The following VPS54 variants were observed in gnomAD, a reference collection of about 807,000 sequenced individuals.
The protein encoded by VPS54 is vacuolar protein sorting-associated protein 54.
VPS54 carries 45 observed loss-of-function variants against 121.5 expected under a neutral mutation model. The ratio of observed to expected loss-of-function variants is 0.37; its 90% CI spans 0.29 to 0.47. The LOEUF (loss-of-function observed/expected upper bound fraction) is 0.47, where lower values mean the gene tolerates loss of function less well. VPS54 is among the 20% of genes least tolerant of loss of function. The pLI, the probability that VPS54 is intolerant of heterozygous loss-of-function variation, is 0.99. For missense variants in VPS54, 1,090 were observed against 1,131.4 expected (o/e 0.96, Z 0.52); for synonymous variants, 371 against 385.8 (o/e 0.96, Z 0.45).
At chr2:63,963,186 A>G (rs1157745551) in intron 6 of VPS54, among the ~76,000 whole-genome samples, 1 of 152,092 alleles carries the variant, frequency 6.6e-6, no homozygotes, top group African/African-American at 2.4e-5. Context: ...TCTTTTATCA[A>G]TTTGTAAAAT....
At chr2:63,970,804 C>G (rs1676249795) in intron 4 of VPS54, among the ~76,000 whole-genome samples, 1 of 152,176 alleles carries the variant, frequency 6.6e-6, no homozygotes, top group South Asian at 2.1e-4. Context: ...TTAATTAGTG[C>G]TCCATCACCA....
intron 3 of VPS54, chr2:63,974,985 C>G: frequency 1.9e-6 from 3 of 1,549,700 alleles, no homozygotes; most frequent in Non-Finnish European, 2.6e-6. Flanking sequence ...GACATCCTTA[C>G]CTTGATCCTG....
chr2:63,998,841 G>A (rs1348784183), intron 1 of VPS54, among the ~76,000 whole-genome samples: 3 of 151,996 alleles, frequency 2.0e-5, no homozygotes, highest in Non-Finnish European at 4.4e-5. Context: ...CAGTTATCAT[G>A]TTATAATATT....
At position 63,892,464 on chromosome 2, in the gene VPS54, C is replaced by CTGTT. The variant is rs1672261297; in HGVS notation, c.*962_*965dup. On this transcript the variant is annotated 3_prime_UTR_variant, in exon 23 of 23. Transcript: ENST00000272322. Reference sequence around the variant, plus strand: ...ACAGCAGCCTATAGTTTTAAAAGTTCTGTTTCTCCCTGGTCTTTGTTCGTA... The same window carrying CTGTT: ...ACAGCAGCCTATAGTTTTAAAAGTTCTGTTTGTTTCTCCCTGGTCTTTGTTCGTA... 6.6e-6 allele frequency: 1 copy of CTGTT among 152,486 alleles called. No homozygotes were observed. The allele number at this position is 152,486 out of a possible 1,614,324, so 9.4% of individuals were successfully genotyped here. A position where few individuals can be genotyped will look rare whatever the true frequency, so the allele number is the denominator to read the frequency against.
At chr2:63,938,926 C>G (rs1674589368) in intron 11 of VPS54, among the ~76,000 whole-genome samples, 2 of 151,594 alleles carry the variant, frequency 1.3e-5, no homozygotes, top group South Asian at 4.2e-4. Flanking sequence ...TTACCATGAC[C>G]AAAAAGGAAG....
intron 11 of VPS54, among the ~76,000 whole-genome samples, chr2:63,940,890 T>C (rs947685595): frequency 6.6e-5 from 10 of 152,216 alleles, no homozygotes; most frequent in Admixed American, 6.5e-4. Flanking sequence ...TACAAGTTTG[T>C]GTCTGTCACT....
rs114016980 is a variant in VPS54 at position 63,974,783 on chromosome 2, T to C, written c.379-2539A>G. On this transcript the variant is annotated intron_variant, in intron 3 of 22. Transcript: ENST00000272322. ...AATTAACTTTTATATATTAACCTTG[T>C]ATCTTGCAAGCTTACTATAGTCACT... is the stretch of plus-strand genomic sequence containing the variant. Among the ~76,000 whole-genome samples, 884 of 152,328 alleles carry C rather than the reference T, an allele frequency of 5.8e-3. 9 individuals are homozygous for C. Among genetic ancestry groups the C allele is most frequent in the African/African-American group, 0.02 (824 of 41,586 alleles).
chr2:63,992,298 A>G (rs991158277), intron 1 of VPS54, among the ~76,000 whole-genome samples: 1 of 152,230 alleles, frequency 6.6e-6, no homozygotes, highest in African/African-American at 2.4e-5. Flanking sequence ...TCAAGGAAAA[A>G]AGTTTGAGGG....
intron 1 of VPS54, among the ~76,000 whole-genome samples, chr2:64,001,680 G>C (rs972034153): frequency 3.3e-5 from 5 of 152,042 alleles, no homozygotes; most frequent in African/African-American, 1.2e-4. Context: ...CTAGGGCTTA[G>C]AATGGGGGCC....
chr2:63,963,211 A>G (rs977230627), intron 6 of VPS54, among the ~76,000 whole-genome samples: 9 of 152,096 alleles, frequency 5.9e-5, no homozygotes, highest in Non-Finnish European at 7.4e-5. Context: ...TTTATTTCCA[A>G]TGAATTTTCC....
intron 1 of VPS54, among the ~76,000 whole-genome samples, chr2:64,014,397 G>A (rs1000052236): frequency 1.2e-4 from 19 of 152,036 alleles, no homozygotes; most frequent in Non-Finnish European, 2.6e-4. Context: ...TGAAAACAAG[G>A]TAATCTTTTC....
chr2:63,966,016 C>A (rs773331459), intron 5 of VPS54, 50 bp from the exon 6 acceptor site: 26 of 1,555,360 alleles, frequency 1.7e-5, no homozygotes, highest in African/African-American at 2.8e-5. Context: ...TTCTTTATAC[C>A]CATTATCTCT....
Position 63,966,323 on chromosome 2 carries a change from T to C in VPS54, c.493-357A>G, listed in dbSNP as rs547290900. ...ATTTCCCACTGATAGTTTTTTAAAA[T>C]GCCAAATATCAATTTCTCTAACCTA... is the stretch of plus-strand genomic sequence containing the variant. On this transcript the variant is annotated intron_variant, in intron 5 of 22. Transcript: ENST00000272322. Among the ~76,000 whole-genome samples the C allele has an allele frequency of 2.0e-5, 3 of 152,350 alleles. No homozygotes were observed. The South Asian group carries it at 6.2e-4, about 32-fold the overall frequency.
At chr2:63,967,718 C>CAAAAAAAAAAAAAAAAAA (rs56820620) in intron 5 of VPS54, among the ~76,000 whole-genome samples, 3,999 of 52,282 alleles carry the variant, frequency 0.076, 913 homozygotes, top group Non-Finnish European at 0.11. Flanking sequence ...GACTCTGCCT[C>CAAAAAAAAAAAAAAAAAA]AAAAAAAAAA....
At chr2:63,976,825 C>T (rs11125989) in intron 3 of VPS54, among the ~76,000 whole-genome samples, 2,625 of 89,640 alleles carry the variant, frequency 0.029, 177 homozygotes, top group Non-Finnish European at 0.035. Flanking sequence ...TATATCTTCT[C>T]TTTTTTTTTT....
chr2:63,934,237 T>C (rs1039271431), intron 11 of VPS54, among the ~76,000 whole-genome samples: 2 of 152,216 alleles, frequency 1.3e-5, no homozygotes, highest in African/African-American at 2.4e-5. Context: ...AAACTTCCTA[T>C]ATTTTAACTA....
At chr2:63,983,628 G>C (rs563003741) in intron 2 of VPS54, among the ~76,000 whole-genome samples, 3 of 151,278 alleles carry the variant, frequency 2.0e-5, no homozygotes, top group Non-Finnish European at 4.4e-5. Context: ...AGTTTTAGTA[G>C]AGACAGGGTT....
intron 1 of VPS54, among the ~76,000 whole-genome samples, chr2:63,998,564 T>C (rs1677719216): frequency 6.6e-6 from 1 of 152,194 alleles, no homozygotes. Context: ...TTTGTGTATC[T>C]GTTCCATGTT....
chr2:63,986,615 G>A (rs1677065585), intron 1 of VPS54, among the ~76,000 whole-genome samples: 2 of 152,150 alleles, frequency 1.3e-5, no homozygotes, highest in Admixed American at 1.3e-4. Flanking sequence ...ATATTCTTAG[G>A]AGTGGGAATG....
Sources: allele counts gnomAD v4.1 joint callset (sites outside exome capture counted in the v4.1 genomes callset), GRCh38; gene constraint gnomAD v4.1.1; transcripts MANE v1.5; gene names NCBI Gene and HGNC (gene_info 2026-07-23, HGNC 2026-07-21).